The following MAGI2 variants were observed in gnomAD, a reference collection of about 807,000 sequenced individuals.
The protein encoded by MAGI2 is membrane-associated guanylate kinase, WW and PDZ domain-containing protein 2.
In MAGI2, 35 loss-of-function variants were observed where a neutral mutation model predicts 133.3. The observed-to-expected ratio is 0.26, with a 90% CI of 0.20 to 0.35. MAGI2 has a LOEUF of 0.35. Among genes scored for constraint, MAGI2 ranks in the 10% least tolerant of loss-of-function variants. The pLI, the probability that MAGI2 is intolerant of heterozygous loss-of-function variation, is 1.00. For synonymous variants in MAGI2, 729 were observed against 710.6 expected (o/e 1.03, Z -0.41); for missense variants, 1,636 against 1,863.4 (o/e 0.88, Z 2.25).
At chr7:78,384,106 T>C (rs1459803030) in intron 6 of MAGI2, among the ~76,000 whole-genome samples, 1 of 152,048 alleles carries the variant, frequency 6.6e-6, no homozygotes, top group East Asian at 1.9e-4. Flanking sequence ...ATATGAAATT[T>C]AGGATTTTTT....
intron 14 of MAGI2, among the ~76,000 whole-genome samples, chr7:78,169,693 T>C (rs1353598009): frequency 6.6e-6 from 1 of 152,184 alleles, no homozygotes; most frequent in Non-Finnish European, 1.5e-5. Flanking sequence ...GAGAAATAGA[T>C]TTGCTTCTGT....
chr7:79,379,577 A>C (rs1175499519), intron 1 of MAGI2, among the ~76,000 whole-genome samples: 2 of 151,966 alleles, frequency 1.3e-5, no homozygotes, highest in African/African-American at 4.8e-5. Context: ...TAGTCCCACC[A>C]ACAGTGTAAA....
At chr7:78,621,695 C>A (rs937200801) in intron 3 of MAGI2, among the ~76,000 whole-genome samples, 9 of 152,008 alleles carry the variant, frequency 5.9e-5, no homozygotes, top group African/African-American at 2.2e-4. Flanking sequence ...TTAAGCCCTT[C>A]CTTGCAGGCT....
chr7:78,278,507 G>C (rs1161992544), intron 9 of MAGI2, among the ~76,000 whole-genome samples: 1 of 152,140 alleles, frequency 6.6e-6, no homozygotes, highest in Non-Finnish European at 1.5e-5. Context: ...AGATTTTTCT[G>C]TTCATAAGGA....
intron 12 of MAGI2, among the ~76,000 whole-genome samples, chr7:78,191,340 A>G (rs1828192579): frequency 6.6e-6 from 1 of 152,174 alleles, no homozygotes; most frequent in South Asian, 2.1e-4. Flanking sequence ...ATGGAAGTTG[A>G]GAAACTCTCA....
At chr7:78,756,214 A>G (rs1297153039) in intron 2 of MAGI2, among the ~76,000 whole-genome samples, 1 of 152,210 alleles carries the variant, frequency 6.6e-6, no homozygotes, top group Non-Finnish European at 1.5e-5. Flanking sequence ...GCAGGAGATC[A>G]GAGCTCTAGC....
intron 1 of MAGI2, among the ~76,000 whole-genome samples, chr7:79,110,468 G>C (rs1400861215): frequency 1.3e-5 from 2 of 152,132 alleles, no homozygotes; most frequent in Non-Finnish European, 2.9e-5. Flanking sequence ...ACTTGCATGG[G>C]GCCTATAGCC....
chr7:78,026,217 A>G lies in MAGI2; in HGVS notation c.3707-6241T>C, dbSNP rs375135541. The G allele has an allele frequency of 5.2e-5, 8 of 152,398 alleles. No individual in the cohort carries two copies. In the East Asian group the frequency reaches 1.2e-3, roughly 22 times the overall value. 9.4% of individuals were successfully genotyped at this position (152,398 alleles called of 1,614,324 possible). On this transcript the variant is annotated intron_variant, in intron 21 of 21. Coordinates refer to ENST00000354212, the MANE Select transcript of MAGI2 (RefSeq NM_012301.4). ...TGTATGGTTTCTCAAATTATCTTGT[A>G]GGAGCCCAGCAATATTAAAAAATAA...
At position 78,671,281 on chromosome 7, in the gene MAGI2, C is replaced by CTTTT. The variant is rs34087973; in HGVS notation, c.419-44046_419-44043dup. Among the ~76,000 whole-genome samples, 492 of 144,062 alleles carry CTTTT rather than the reference C, an allele frequency of 3.4e-3. 3 individuals are homozygous for CTTTT. The highest frequency in any genetic ancestry group is 0.012 in the African/African-American group (480 of 38,754). The allele number at this position is 144,062 out of a possible 152,430, so 94.5% of individuals were successfully genotyped here. The stretch of plus-strand genomic sequence containing the variant: ...ATAATTTAATTGTGTCTCTCTCTCT[C>CTTTT]TTTTTTTTTTTTTTAAGATAGCCAG... On this transcript the variant is annotated intron_variant, in intron 2 of 21. Transcript: ENST00000354212.
intron 9 of MAGI2, among the ~76,000 whole-genome samples, chr7:78,266,524 G>T (rs1490369336): frequency 6.6e-6 from 1 of 151,870 alleles, no homozygotes; most frequent in East Asian, 1.9e-4. Context: ...TTTAGCCAGA[G>T]GAAAGTAGAA....
At chr7:78,869,564 C>T (rs1794857495) in intron 2 of MAGI2, among the ~76,000 whole-genome samples, 1 of 152,174 alleles carries the variant, frequency 6.6e-6, no homozygotes, top group African/African-American at 2.4e-5. Flanking sequence ...TTAATTGACT[C>T]ACACTTCTGC....
intron 4 of MAGI2, among the ~76,000 whole-genome samples, chr7:78,508,127 TATAAGGACACCAGTC>T (rs1472258294): frequency 2.0e-5 from 3 of 152,184 alleles, no homozygotes; most frequent in African/African-American, 7.2e-5. Context: ...TTCTTCTTTT[TATAAGGACACCAGTC>T]ATACTGGATG....
At chr7:78,307,030 C>G (rs781054747) in intron 9 of MAGI2, among the ~76,000 whole-genome samples, 6 of 152,054 alleles carry the variant, frequency 3.9e-5, no homozygotes, top group Non-Finnish European at 8.8e-5. Context: ...AATTTTGTTT[C>G]ATTTTCATAA....
intron 1 of MAGI2, among the ~76,000 whole-genome samples, chr7:79,196,298 T>A (rs1241202589): frequency 7.0e-6 from 1 of 143,852 alleles, no homozygotes; most frequent in Non-Finnish European, 1.5e-5. Flanking sequence ...ACAAATATTC[T>A]TTTTTTTACT....
chr7:78,619,898 C>T (rs935239907), intron 3 of MAGI2, among the ~76,000 whole-genome samples: 7 of 151,936 alleles, frequency 4.6e-5, no homozygotes, highest in African/African-American at 1.7e-4. Flanking sequence ...CTAAAAAGTA[C>T]ACCCAAATGC....
intron 3 of MAGI2, among the ~76,000 whole-genome samples, chr7:78,527,214 T>C (rs981869562): frequency 6.6e-6 from 1 of 152,108 alleles, no homozygotes; most frequent in Non-Finnish European, 1.5e-5. Flanking sequence ...GCAAAGTCCT[T>C]GCAAAACCTA....
At chr7:79,372,173 T>C (rs1843090392) in intron 1 of MAGI2, among the ~76,000 whole-genome samples, 2 of 152,102 alleles carry the variant, frequency 1.3e-5, no homozygotes, top group Admixed American at 1.3e-4. Context: ...GCATGGGAGA[T>C]TTCCGGGGCA....
intron 3 of MAGI2, among the ~76,000 whole-genome samples, chr7:78,533,552 A>G (rs1011397482): frequency 6.6e-6 from 1 of 152,196 alleles, no homozygotes; most frequent in Admixed American, 6.5e-5. Context: ...CCAGTATCTG[A>G]GAAGGTACTA....
At chr7:78,511,819 G>C (rs1196647448) in intron 4 of MAGI2, among the ~76,000 whole-genome samples, 2 of 151,430 alleles carry the variant, frequency 1.3e-5, no homozygotes, top group Non-Finnish European at 2.9e-5. Context: ...TATGAGGCTG[G>C]GCGCAGTGGC....
Sources: allele counts gnomAD v4.1 joint callset (sites outside exome capture counted in the v4.1 genomes callset), GRCh38; gene constraint gnomAD v4.1.1; transcripts MANE v1.5; gene names NCBI Gene and HGNC (gene_info 2026-07-23, HGNC 2026-07-21).